Variants in GRIP1 observed in about 807,000 individuals in gnomAD.
GRIP1 encodes glutamate receptor interacting protein 1.
GRIP1 carries 45 observed loss-of-function variants against 129.9 expected under a neutral mutation model. The observed-to-expected ratio is 0.35, with a 90% CI of 0.27 to 0.44. The LOEUF (loss-of-function observed/expected upper bound fraction) is 0.44, where lower values mean the gene tolerates loss of function less well. Ranked by LOEUF, GRIP1 falls within the 20% of genes least tolerant of loss-of-function variation. GRIP1 has a pLI of 1.00. For missense variants in GRIP1, 1,196 were observed against 1,396.8 expected (o/e 0.86, Z 2.29); for synonymous variants, 530 against 520.8 (o/e 1.02, Z -0.24).
At chr12:66,762,422 C>A (rs2037504471) in intron 1 of GRIP1, among the ~76,000 whole-genome samples, 1 of 152,158 alleles carries the variant, frequency 6.6e-6, no homozygotes. Context: ...GCTTCTTAGT[C>A]TTCTTATTAG....
chr12:66,756,294 G>A (rs1466617659), intron 1 of GRIP1, among the ~76,000 whole-genome samples: 1 of 151,952 alleles, frequency 6.6e-6, no homozygotes, highest in East Asian at 1.9e-4. Context: ...TTTGTCTTTT[G>A]GTGACTCTCT....
chr12:66,662,877 T>A (rs2033593731), intron 1 of GRIP1, among the ~76,000 whole-genome samples: 2 of 152,208 alleles, frequency 1.3e-5, no homozygotes, highest in African/African-American at 2.4e-5. Context: ...TGTTCACTGA[T>A]CTTTTCTGCC....
At chr12:66,474,415 T>A (rs2059540248) in intron 7 of GRIP1, among the ~76,000 whole-genome samples, 1 of 152,100 alleles carries the variant, frequency 6.6e-6, no homozygotes, top group Non-Finnish European at 1.5e-5. Context: ...CAGGATATTA[T>A]CCAGTAGAAC....
intron 1 of GRIP1, among the ~76,000 whole-genome samples, chr12:66,834,004 C>T (rs1011073848): frequency 2.6e-5 from 4 of 151,816 alleles, no homozygotes; most frequent in African/African-American, 4.8e-5. Context: ...CATGAAACCC[C>T]GTCTCTACTA....
intron 7 of GRIP1, among the ~76,000 whole-genome samples, chr12:66,498,104 C>T (rs1191311117): frequency 1.3e-5 from 2 of 152,156 alleles, no homozygotes; most frequent in African/African-American, 4.8e-5. Context: ...TAAAACTGCC[C>T]CACCCTTATC....
chr12:66,844,918 A>T (rs1248779235), intron 1 of GRIP1, among the ~76,000 whole-genome samples: 2 of 152,214 alleles, frequency 1.3e-5, no homozygotes, highest in Non-Finnish European at 2.9e-5. Flanking sequence ...AGTCAAATTC[A>T]TAGAGACAGA....
chr12:66,850,659 A>G (rs989411631), intron 1 of GRIP1, among the ~76,000 whole-genome samples: 1 of 152,062 alleles, frequency 6.6e-6, no homozygotes, highest in African/African-American at 2.4e-5. Flanking sequence ...ATACACTCCT[A>G]CAAGGGGCAC....
chr12:66,609,771 C>A (rs1162102345), intron 1 of GRIP1, among the ~76,000 whole-genome samples: 1 of 152,098 alleles, frequency 6.6e-6, no homozygotes. Flanking sequence ...AGGACTCTTC[C>A]AATTTTGCAG....
At chr12:66,563,159 A>G (rs1288957196) in intron 2 of GRIP1, among the ~76,000 whole-genome samples, 1 of 152,156 alleles carries the variant, frequency 6.6e-6, no homozygotes, top group East Asian at 1.9e-4. Flanking sequence ...CTATATATAC[A>G]GTATATACAC....
chr12:66,387,490 G>A (rs1357215496), intron 19 of GRIP1, among the ~76,000 whole-genome samples: 1 of 152,202 alleles, frequency 6.6e-6, no homozygotes, highest in East Asian at 1.9e-4. Context: ...TCAGTGGTGA[G>A]CAGTAATTGA....
intron 2 of GRIP1, among the ~76,000 whole-genome samples, chr12:66,547,255 A>G (rs2061974834): frequency 6.7e-6 from 1 of 150,346 alleles, no homozygotes; most frequent in Non-Finnish European, 1.5e-5. Context: ...AAAGGCTAAA[A>G]TAAAAATTAG....
At chr12:66,558,420 T>C (rs2062407574) in intron 2 of GRIP1, among the ~76,000 whole-genome samples, 1 of 152,152 alleles carries the variant, frequency 6.6e-6, no homozygotes, top group African/African-American at 2.4e-5. Context: ...AACACCCCCG[T>C]GATTCAATTA....
intron 7 of GRIP1, among the ~76,000 whole-genome samples, chr12:66,486,872 C>G (rs1359685048): frequency 6.6e-6 from 1 of 152,014 alleles, no homozygotes; most frequent in Non-Finnish European, 1.5e-5. Context: ...CTCACTGCAG[C>G]CTCGAACTCC....
chr12:66,678,360 G>T (rs1592734390), intron 1 of GRIP1, among the ~76,000 whole-genome samples: 1 of 152,050 alleles, frequency 6.6e-6, no homozygotes, highest in East Asian at 1.9e-4. Flanking sequence ...AACACATAAA[G>T]AAATTAAAGC....
intron 1 of GRIP1, among the ~76,000 whole-genome samples, chr12:66,987,491 C>T (rs1446144907): frequency 3.9e-5 from 6 of 152,176 alleles, no homozygotes; most frequent in African/African-American, 1.4e-4. Context: ...TGCTAAGCTT[C>T]TCTGCTGTCT....
At chr12:66,949,046 C>A (rs1474356173) in intron 1 of GRIP1, among the ~76,000 whole-genome samples, 1 of 152,106 alleles carries the variant, frequency 6.6e-6, no homozygotes, top group African/African-American at 2.4e-5. Context: ...AAGAACCTTA[C>A]CTCCAATTAG....
At chr12:66,902,166 G>A (rs2040854054) in intron 1 of GRIP1, among the ~76,000 whole-genome samples, 1 of 152,114 alleles carries the variant, frequency 6.6e-6, no homozygotes, top group Non-Finnish European at 1.5e-5. Context: ...CAAGCACCTG[G>A]CACTTAGCAG....
chr12:66,425,888 G>A (rs927754925), intron 14 of GRIP1, among the ~76,000 whole-genome samples: 2 of 151,942 alleles, frequency 1.3e-5, no homozygotes, highest in African/African-American at 4.8e-5. Context: ...CGAGTGAATG[G>A]GTGCAGCACA....
chr12:66,596,359 C>A (rs1269441755), intron 2 of GRIP1, among the ~76,000 whole-genome samples: 1 of 152,148 alleles, frequency 6.6e-6, no homozygotes, highest in Non-Finnish European at 1.5e-5. Flanking sequence ...ATATGACTCA[C>A]ACTTTCCTAA....
Sources: gnomAD v4.1 joint callset for allele counts (sites outside exome capture counted in the v4.1 genomes callset) on GRCh38, gnomAD v4.1.1 for gene constraint, MANE v1.5 for transcripts, NCBI Gene and HGNC (gene_info 2026-07-23, HGNC 2026-07-21) for gene names.